Variants in PVR observed in about 807,000 individuals in gnomAD.
PVR encodes PVR cell adhesion molecule, also known as poliovirus receptor.
PVR carries 39 observed loss-of-function variants against 43.3 expected under a neutral mutation model. That is an observed-to-expected ratio of 0.90 (90% CI 0.70 to 1.18). The LOEUF is 1.18. Ranked by LOEUF, PVR falls within the 50% of genes most tolerant of loss-of-function variation. The pLI, the probability that PVR is intolerant of heterozygous loss-of-function variation, is 0.00. For missense variants in PVR, 480 were observed against 549.7 expected, an observed-to-expected ratio of 0.87 and a Z score of 1.27; for synonymous variants, 224 against 233.2, an observed-to-expected ratio of 0.96 and a Z score of 0.36.
In PVR at chr19:44,661,879, G is replaced by A. The variant is rs1310756271; in HGVS notation, c.*68G>A. 75 of 1,419,462 alleles carry A rather than the reference G, an allele frequency of 5.3e-5. No individual in the cohort carries two copies. Among genetic ancestry groups the A allele is most frequent in the South Asian group, 8.1e-5 (7 of 86,946 alleles). The allele number at this position is 1,419,462 out of a possible 1,614,324, so 87.9% of individuals were successfully genotyped here. A position where few individuals can be genotyped will look rare whatever the true frequency, so the allele number is the denominator to read the frequency against. On this transcript the variant is annotated 3_prime_UTR_variant, in exon 8 of 8. Coordinates refer to ENST00000425690, the MANE Select transcript of PVR (RefSeq NM_006505.5). ...GACGTGGGCCTCCAGAGTTGGACCC[G>A]ACCCCAATGGATGAAGACCCCCTCC...
Position 44,645,086 on chromosome 19 carries a change from TAAA to T in PVR, c.79+913_79+915del, listed in dbSNP as rs1422738912. Among the ~76,000 whole-genome samples the T allele has an allele frequency of 6.2e-5, 6 of 96,168 alleles. 1 individual carries two copies. Among genetic ancestry groups the T allele is most frequent in the African/African-American group, 2.6e-4 (6 of 22,946 alleles). 63.1% of individuals were successfully genotyped at this position (96,168 alleles called of 152,430 possible). ...TATTATAGTAATATATAATATATAATAAAATATATAATATATATTATAGTAATA... is the reference window on the plus strand; with the variant it reads ...TATTATAGTAATATATAATATATAATATATATAATATATATTATAGTAATA... On this transcript the variant is annotated intron_variant, in intron 1 of 7. Transcript: ENST00000425690.
intron 4 of PVR, among the ~76,000 whole-genome samples, chr19:44,657,373 G>A (rs1224988983): frequency 6.6e-6 from 1 of 152,180 alleles, no homozygotes; most frequent in Non-Finnish European, 1.5e-5. Context: ...CCCCCAGAGG[G>A]TACTGAGCTG....
intron 1 of PVR, among the ~76,000 whole-genome samples, chr19:44,645,700 C>G (rs1414792863): frequency 1.3e-5 from 2 of 151,676 alleles, no homozygotes; most frequent in Non-Finnish European, 2.9e-5. Flanking sequence ...GTGGCTCATG[C>G]CTGTAATCCC....
At chr19:44,652,106 A>T (rs964458333) in intron 3 of PVR, among the ~76,000 whole-genome samples, 11 of 152,226 alleles carry the variant, frequency 7.2e-5, no homozygotes, top group African/African-American at 2.7e-4. Context: ...GCAATGAGCG[A>T]GATTACGCCA....
In PVR at chr19:44,658,644, A is replaced by G. The variant is rs1973516091; in HGVS notation, c.992-98A>G. ...TGAATTAAATAGACTGAGGCAGTGG[A>G]GTGGTGGCTCCCTAAGGAAATTCAA... is the stretch of plus-strand genomic sequence containing the variant. On this transcript the variant is annotated intron_variant, in intron 5 of 7. Transcript: ENST00000425690. 7.6e-6 allele frequency: 8 copies of G among 1,047,092 alleles called. No homozygotes were observed. The Admixed American group carries it at 1.6e-4, about 20-fold the overall frequency. The allele number at this position is 1,047,092 out of a possible 1,614,324, so 64.9% of individuals were successfully genotyped here.
At chr19:44,655,695 A>C (rs1973424603) in intron 4 of PVR, among the ~76,000 whole-genome samples, 1 of 152,190 alleles carries the variant, frequency 6.6e-6, no homozygotes, top group African/African-American at 2.4e-5. Flanking sequence ...ACTGTCAAAC[A>C]TACAGAAAAA....
Position 44,647,414 on chromosome 19 carries a change from C to CGGCTGGAATTCGTGGCAGCCAGACTG in PVR, c.275_300dup (p.Ala101TrpfsTer17). 2 of 1,614,080 alleles carry CGGCTGGAATTCGTGGCAGCCAGACTG rather than the reference C, an allele frequency of 1.2e-6. No individual in the cohort carries two copies. The highest frequency in any genetic ancestry group is 1.7e-6 in the Non-Finnish European group (2 of 1,179,998). On this transcript the variant is annotated frameshift_variant, in exon 2 of 8. Coordinates refer to ENST00000425690, the MANE Select transcript of PVR (RefSeq NM_006505.5). LOFTEE classifies it high-confidence loss of function. ...GGGCCCCAGCTATTCGGAGTCCAAA[C>CGGCTGGAATTCGTGGCAGCCAGACTG]GGCTGGAATTCGTGGCAGCCAGACT...
chr19:44,653,926 TATG>T lies in PVR; in HGVS notation c.754_756del (p.Asp252del), dbSNP rs773601671. The T allele has an allele frequency of 1.5e-5, 24 of 1,614,094 alleles. No homozygotes were observed. In the Admixed American group the frequency reaches 2.7e-4, roughly 18 times the overall value. On this transcript the variant is annotated inframe_deletion, in exon 4 of 8. Coordinates refer to ENST00000425690, the MANE Select transcript of PVR (RefSeq NM_006505.5). Reference sequence around the variant, plus strand: ...CCCCCCAGAGGTATCCATCTCTGGCTATGATAACAACTGGTACCTTGGCCAGAA... The same window carrying T: ...CCCCCCAGAGGTATCCATCTCTGGCTATAACAACTGGTACCTTGGCCAGAA...
chr19:44,649,575 G>A (rs537858812), intron 2 of PVR, among the ~76,000 whole-genome samples: 17 of 152,026 alleles, frequency 1.1e-4, no homozygotes, highest in Non-Finnish European at 2.1e-4. Context: ...GATTACTGGC[G>A]TGTGCCACCA....
chr19:44,659,682 A>G (rs1387751678), intron 6 of PVR, among the ~76,000 whole-genome samples: 1 of 151,910 alleles, frequency 6.6e-6, no homozygotes, highest in Non-Finnish European at 1.5e-5. Flanking sequence ...GCGTTTCGCC[A>G]TGTTGGCCAG....
At chr19:44,658,075 A>G (rs1034925512) in intron 5 of PVR, among the ~76,000 whole-genome samples, 165 bp downstream of exon 5, 2 of 152,174 alleles carry the variant, frequency 1.3e-5, no homozygotes, top group East Asian at 3.8e-4. Context: ...TATCACTGGT[A>G]CCGTTGTTCA....
intron 6 of PVR, among the ~76,000 whole-genome samples, chr19:44,660,474 T>TAAAC (rs1310739844): frequency 1.1e-4 from 17 of 152,198 alleles, no homozygotes; most frequent in African/African-American, 4.1e-4. Flanking sequence ...ATTACTATTA[T>TAAAC]TGTTATTATT....
intron 1 of PVR, among the ~76,000 whole-genome samples, chr19:44,645,143 T>TAATAATATATAATAATATA: frequency 2.7e-5 from 1 of 37,342 alleles, no homozygotes; most frequent in Admixed American, 4.1e-4. Context: ...ATTATATATA[T>TAATAATATATAATAATATA]TATTATAATA....
Position 44,649,927 on chromosome 19 carries a change from C to T in PVR, c.546C>T (p.Asp182=), listed in dbSNP as rs910770345. Residue 182 remains aspartate, a synonymous_variant, in exon 3 of 8, where the codon GAC becomes GAT. Transcript: ENST00000425690. The stretch of plus-strand genomic sequence containing the variant: ...CAGCCCAAATCACCTGGCACTCAGA[C>T]CTGGGCGGGATGCCCAATACGAGCC... The part of the protein sequence containing the change: ...RPPAQITWHS[D]LGGMPNTSQV... 4 of 1,612,952 alleles carry T rather than the reference C, an allele frequency of 2.5e-6. No individual in the cohort carries two copies. The highest frequency in any genetic ancestry group is 3.4e-6 in the Non-Finnish European group (4 of 1,179,426).
chr19:44,647,083 TC>T (rs1973139214), intron 1 of PVR, 139 bp from the exon 2 acceptor site: 4 of 32,442 alleles, frequency 1.2e-4, no homozygotes, highest in East Asian at 1.2e-3. Flanking sequence ...CAGTTCCCCC[TC>T]CCCCCACACC....
chr19:44,662,235 T>TA lies in PVR; in HGVS notation c.*424_*425insA. On this transcript the variant is annotated 3_prime_UTR_variant, in exon 8 of 8. Coordinates refer to ENST00000425690, the MANE Select transcript of PVR (RefSeq NM_006505.5). ...TGCCAATACTGCCAACCAGAGCAGC[T>TA]CACTCGAGATCTTTGTGTCCAGAGT... is the stretch of plus-strand genomic sequence containing the variant. 5.5e-6 allele frequency: 1 copy of TA among 180,988 alleles called. No individual in the cohort carries two copies. The highest frequency in any genetic ancestry group is 1.4e-4 in the South Asian group (1 of 7,404). The allele number at this position is 180,988 out of a possible 1,614,324, so 11.2% of individuals were successfully genotyped here. A position where few individuals can be genotyped will look rare whatever the true frequency, so the allele number is the denominator to read the frequency against.
At chr19:44,647,620 G>T in intron 2 of PVR, 50 bp downstream of exon 2, 1 of 1,483,940 alleles carries the variant, frequency 6.7e-7, no homozygotes, top group Non-Finnish European at 9.1e-7. Flanking sequence ...GACTTGGTGG[G>T]AGGATCAGGG....
At chr19:44,659,643 C>G (rs1197536606) in intron 6 of PVR, among the ~76,000 whole-genome samples, 5 of 151,970 alleles carry the variant, frequency 3.3e-5, no homozygotes, top group Non-Finnish European at 7.4e-5. Context: ...CTACTATGCC[C>G]AGCAATTTTT....
rs776477648 is a variant in PVR at position 44,650,056 on chromosome 19, C to T, written c.675C>T (p.His225=). 1.9e-5 allele frequency: 30 copies of T among 1,560,842 alleles called. No individual in the cohort carries two copies. The highest frequency in any genetic ancestry group is 1.1e-4 in the Admixed American group (6 of 53,012). The part of the protein sequence containing the change: ...DGKNVTCKVE[H]ESFEKPQLLT... ...AGAATGTGACCTGCAAGGTGGAGCA[C>T]GAGAGCTTTGAGAAGCCTCAGCTGC... Residue 225 remains histidine (H), a synonymous_variant, in exon 3 of 8, where the codon CAC becomes CAT. Coordinates refer to ENST00000425690, the MANE Select transcript of PVR (RefSeq NM_006505.5).
Sources: gnomAD v4.1 joint callset for allele counts (sites outside exome capture counted in the v4.1 genomes callset) on GRCh38, gnomAD v4.1.1 for gene constraint, MANE v1.5 for transcripts, NCBI Gene and HGNC (gene_info 2026-07-23, HGNC 2026-07-21) for gene names.